The following SETD2 variants were observed in gnomAD, a reference collection of about 807,000 sequenced individuals.
SETD2 encodes histone-lysine N-methyltransferase SETD2.
SETD2 carries 31 observed loss-of-function variants against 242.1 expected under a neutral mutation model. The ratio of observed to expected loss-of-function variants is 0.13; its 90% confidence interval spans 0.10 to 0.17. The LOEUF is 0.17. SETD2 is among the 10% of genes least tolerant of loss of function. The pLI, the probability that SETD2 is intolerant of heterozygous loss-of-function variation, is 1.00. For missense variants in SETD2, 2,481 were observed against 3,046.3 expected (o/e 0.81, Z 4.37); for synonymous variants, 1,006 against 1,066.5 (o/e 0.94, Z 1.11).
At chr3:47,164,377 G>C (rs1390015883), upstream of SETD2, 1 of 154,760 alleles carries the variant, frequency 6.5e-6, no homozygotes, top group Non-Finnish European at 1.4e-5. The surrounding 1 kb of genome is among the most constrained non-coding windows in gnomAD (Gnocchi z 5.4). Context: ...GCGGCACCGC[G>C]ACCCCTCCCG....
At chr3:47,099,897 CTTTTTTAT>C (rs1217946416) in intron 8 of SETD2, among the ~76,000 whole-genome samples, 1 of 150,962 alleles carries the variant, frequency 6.6e-6, no homozygotes, top group Non-Finnish European at 1.5e-5. Context: ...AATTTTTTTC[CTTTTTTAT>C]TTTTAAACTA....
At chr3:47,070,537 C>T (rs898352148) in intron 12 of SETD2, among the ~76,000 whole-genome samples, 2 of 152,166 alleles carry the variant, frequency 1.3e-5, no homozygotes, top group Admixed American at 1.3e-4. Context: ...GAAGCAGCCA[C>T]GCGAGGATAA....
rs533633278 is a variant in SETD2, at chr3:47,157,692, G to A, written c.71+6162C>T. On this transcript the variant is annotated intron_variant, in intron 1 of 20. Coordinates refer to ENST00000409792, the MANE Select transcript of SETD2 (RefSeq NM_014159.7). Reference sequence around the variant, plus strand: ...AGTTCGAGACCAGCCTGACCAACATGGAGAAACCCCATCTCTACTAAAAAT... The same window carrying A: ...AGTTCGAGACCAGCCTGACCAACATAGAGAAACCCCATCTCTACTAAAAAT... 24 of 367,236 alleles carry A rather than the reference G, an allele frequency of 6.5e-5. No homozygotes were observed. The East Asian group carries it at 1.6e-3, about 25-fold the overall frequency. 22.7% of individuals were successfully genotyped at this position (367,236 alleles called of 1,614,324 possible). A position where few individuals can be genotyped will look rare whatever the true frequency, so the allele number is the denominator to read the frequency against.
chr3:47,075,883 T>C (rs1406675268), intron 12 of SETD2, among the ~76,000 whole-genome samples: 2 of 152,208 alleles, frequency 1.3e-5, no homozygotes, highest in African/African-American at 2.4e-5. Context: ...AAATATGTTC[T>C]AGGGATTCGA....
At chr3:47,156,213 G>C (rs1213626392) in intron 1 of SETD2, among the ~76,000 whole-genome samples, 1 of 152,076 alleles carries the variant, frequency 6.6e-6, no homozygotes, top group Non-Finnish European at 1.5e-5. Context: ...ATGAATATTA[G>C]GGTTGAGAAA....
intron 17 of SETD2, among the ~76,000 whole-genome samples, chr3:47,040,819 T>G (rs985320270): frequency 6.6e-6 from 1 of 152,052 alleles, no homozygotes; most frequent in Non-Finnish European, 1.5e-5. Flanking sequence ...GCGATCCTCC[T>G]GCCCCAGCCT....
chr3:47,131,287 G>T (rs977932935), intron 1 of SETD2, among the ~76,000 whole-genome samples: 2 of 152,170 alleles, frequency 1.3e-5, no homozygotes, highest in Non-Finnish European at 2.9e-5. Context: ...TCAGAACTGT[G>T]ACCAACAAAT....
At chr3:47,095,286 C>T (rs2041963082) in intron 9 of SETD2, among the ~76,000 whole-genome samples, 1 of 152,106 alleles carries the variant, frequency 6.6e-6, no homozygotes, top group African/African-American at 2.4e-5. Flanking sequence ...CAGGTACCCG[C>T]CACCACGCCC....
At chr3:47,050,641 T>C (rs1212700098) in intron 15 of SETD2, among the ~76,000 whole-genome samples, 1 of 147,968 alleles carries the variant, frequency 6.8e-6, no homozygotes, top group Non-Finnish European at 1.5e-5. Context: ...TTCCCAAATC[T>C]GAAAAAAATC....
Position 47,057,156 on chromosome 3 carries a change from C to A in SETD2, c.6628G>T (p.Val2210Leu), listed in dbSNP as rs2040119851. 1.2e-6 allele frequency: 2 copies of A among 1,614,078 alleles called. No homozygotes were observed. Among genetic ancestry groups the A allele is most frequent in the Non-Finnish European group, 8.5e-7 (1 of 1,179,972 alleles). Reference protein sequence around the residue: ...PAPYDHAQPLVGHSTEPLSAP... With the variant: ...PAPYDHAQPLLGHSTEPLSAP... ...GAAAGGGGTTCTGTAGAATGTCCCA[C>A]CAAGGGCTGAGCATGATCATAAGGA... Residue 2210 changes from valine to leucine, a missense_variant, in exon 15 of 21, where the codon GTG (valine) becomes TTG (leucine). Val to Leu is a conservative substitution (Grantham distance 32, BLOSUM62 1). Around this residue, in one of 17 missense-constraint regions of SETD2, gnomAD observed 235 missense variants for 293.9 expected, o/e 0.80. Transcript: ENST00000409792.
At chr3:47,086,723 T>G (rs1204151248) in intron 10 of SETD2, among the ~76,000 whole-genome samples, 2 of 151,884 alleles carry the variant, frequency 1.3e-5, no homozygotes, top group Non-Finnish European at 2.9e-5. Flanking sequence ...CTTTTTCCTG[T>G]TAGTTTTTTT....
chr3:47,087,964 TAAACAAACAAAC>T (rs56810001), intron 10 of SETD2, 137 bp downstream of exon 10: 47 of 740,922 alleles, frequency 6.3e-5, no homozygotes, highest in East Asian at 2.9e-4. Flanking sequence ...AGACCCCATC[TAAACAAACAAAC>T]AAACAAACAA....
At chr3:47,094,079 T>C (rs1243823450) in intron 9 of SETD2, among the ~76,000 whole-genome samples, 6 of 151,990 alleles carry the variant, frequency 3.9e-5, no homozygotes, top group Non-Finnish European at 7.4e-5. Context: ...AAGTTAAGTA[T>C]TTCTTCTCAC....
chr3:47,144,650 A>C (rs1043009884), intron 1 of SETD2, among the ~76,000 whole-genome samples: 3 of 149,620 alleles, frequency 2.0e-5, no homozygotes, highest in African/African-American at 7.4e-5. Flanking sequence ...TCAAAATATA[A>C]AAATAAAAAA....
At chr3:47,027,944 C>A (rs193092384) in intron 18 of SETD2, among the ~76,000 whole-genome samples, 4 of 151,892 alleles carry the variant, frequency 2.6e-5, no homozygotes, top group African/African-American at 9.7e-5. Flanking sequence ...GGCGCCCCCC[C>A]GCACACCTGA....
In SETD2 at chr3:47,040,569, A is replaced by ATTTT. The variant is rs34309892; in HGVS notation, c.7238+1988_7238+1991dup. Among the ~76,000 whole-genome samples the ATTTT allele has an allele frequency of 9.3e-3, 851 of 91,664 alleles. 71 individuals carry two copies. The highest frequency in any genetic ancestry group is 0.028 in the African/African-American group (636 of 22,802). 60.1% of individuals were successfully genotyped at this position (91,664 alleles called of 152,430 possible). ...AAAATAGATGACATGAGGGAAAAGG[A>ATTTT]TTTTTTTTTTTTTTTTTTTTTTGGA... On this transcript the variant is annotated intron_variant, in intron 17 of 20. Transcript: ENST00000409792.
chr3:47,101,726 T>G (rs2042221387), intron 7 of SETD2, among the ~76,000 whole-genome samples, 171 bp from the exon 8 acceptor site: 2 of 152,128 alleles, frequency 1.3e-5, no homozygotes, highest in Non-Finnish European at 2.9e-5. Context: ...GGAGACTTTT[T>G]TCTTTAAAAG....
chr3:47,042,163 G>C (rs1239900016), intron 17 of SETD2, among the ~76,000 whole-genome samples: 2 of 152,140 alleles, frequency 1.3e-5, no homozygotes, highest in Non-Finnish European at 2.9e-5. Context: ...TTCGAGACCA[G>C]CCTGACCAAC....
intron 1 of SETD2, among the ~76,000 whole-genome samples, chr3:47,160,858 A>C (rs1246273918): frequency 2.0e-5 from 3 of 152,144 alleles, no homozygotes; most frequent in African/African-American, 7.2e-5. Flanking sequence ...CCTGCCCCAT[A>C]ATGGACACCC....
Sources: gnomAD v4.1 joint callset for allele counts (sites outside exome capture counted in the v4.1 genomes callset) on GRCh38, gnomAD v4.1.1 for gene constraint, gnomAD v4.1.1 regional missense constraint, Gnocchi (gnomAD v3.1) non-coding constraint, MANE v1.5 for transcripts, NCBI Gene and HGNC (gene_info 2026-07-23, HGNC 2026-07-21) for gene names.